Variants in METTL15 observed in about 807,000 individuals in gnomAD.
The protein encoded by METTL15 is methyltransferase 15, mitochondrial 12S rRNA N4-cytidine.
Under a neutral mutation model 38.3 loss-of-function variants are expected in METTL15, and 34 were observed. That is an observed-to-expected ratio of 0.89 (90% CI 0.68 to 1.18). METTL15 has a LOEUF of 1.18. Among genes scored for constraint, METTL15 ranks in the 50% most tolerant of loss-of-function variants. The pLI, the probability that METTL15 is intolerant of heterozygous loss-of-function variation, is 0.00. For missense variants in METTL15, 438 were observed against 498.4 expected (o/e 0.88, Z 1.15); for synonymous variants, 162 against 170.9 (o/e 0.95, Z 0.41).
intron 3 of METTL15, among the ~76,000 whole-genome samples, chr11:28,198,027 T>C (rs2133814964): frequency 6.6e-6 from 1 of 152,246 alleles, no homozygotes; most frequent in East Asian, 1.9e-4. Flanking sequence ...ACAGTCTATA[T>C]ATTTAGTAAT....
Position 28,243,881 on chromosome 11 carries a change from G to T in METTL15, c.407+32683G>T, listed in dbSNP as rs528130862. On this transcript the variant is annotated intron_variant, in intron 4 of 6. Coordinates refer to ENST00000407364, the MANE Select transcript of METTL15 (RefSeq NM_001113528.2). ...GCCACATAACTACTACAAAACACTGGCATAAAACAACCATTTTGTTATATT... is the reference window on the plus strand; with the variant it reads ...GCCACATAACTACTACAAAACACTGTCATAAAACAACCATTTTGTTATATT... 1.1e-4 allele frequency among the ~76,000 whole-genome samples: 17 copies of T among 152,166 alleles called. No individual in the cohort carries two copies. The East Asian group carries it at 2.3e-3, about 21-fold the overall frequency.
chr11:28,410,947 A>T (rs927959758), intron 5 of METTL15: 19 of 152,094 alleles, frequency 1.2e-4, no homozygotes, highest in African/African-American at 3.6e-4. Flanking sequence ...TCAACATACA[A>T]ATAGCATTTC....
chr11:28,264,521 A>G (rs745455454), intron 4 of METTL15, among the ~76,000 whole-genome samples: 8 of 152,104 alleles, frequency 5.3e-5, no homozygotes, highest in Non-Finnish European at 1.2e-4. Flanking sequence ...CTATAGTTAC[A>G]TGTCACCTGA....
chr11:28,482,724 G>A (rs951893716), intron 6 of METTL15, among the ~76,000 whole-genome samples: 5 of 152,150 alleles, frequency 3.3e-5, no homozygotes, highest in Non-Finnish European at 7.4e-5. Context: ...GCATCACCTG[G>A]GAGCTTGCTA....
At position 28,436,558 on chromosome 11, in the gene METTL15, T is replaced by C. The variant is rs532184838; in HGVS notation, c.*424+12194T>C. Among the ~76,000 whole-genome samples, 32 of 152,038 alleles carry C rather than the reference T, an allele frequency of 2.1e-4. No homozygotes were observed. In the South Asian group the frequency reaches 5.8e-3, roughly 28 times the overall value. ...GCCCTCCTCCATATATCTCTGACAT[T>C]GAGTGTTTTTTTTTTTTGGAAATGC... On this transcript the variant is annotated intron_variant and NMD_transcript_variant, in intron 6 of 7. Transcript: ENST00000532947.
chr11:28,287,346 A>G, intron 4 of METTL15: 1 of 276,144 alleles, frequency 3.6e-6, no homozygotes, highest in Non-Finnish European at 7.3e-6. Context: ...GCAGGATGGA[A>G]ACAGATTATT....
intron 5 of METTL15, among the ~76,000 whole-genome samples, chr11:28,363,568 C>G (rs7126520): frequency 2.0e-5 from 3 of 152,244 alleles, no homozygotes; most frequent in African/African-American, 7.2e-5. Flanking sequence ...TTAAGTACTT[C>G]GTAGATTGTG....
At chr11:28,221,566 A>T (rs967416527) in intron 4 of METTL15, among the ~76,000 whole-genome samples, 3 of 152,026 alleles carry the variant, frequency 2.0e-5, no homozygotes, top group Non-Finnish European at 4.4e-5. Context: ...CAACTTGTCA[A>T]AGTCATTCTC....
chr11:28,218,132 T>C lies in METTL15; in HGVS notation c.407+6934T>C, dbSNP rs527584555. Reference sequence around the variant, plus strand: ...AGCTTGATGGGGATGGCATTGAATCTATAAATTACCTTGGATAGTGTGGCC... The same window carrying C: ...AGCTTGATGGGGATGGCATTGAATCCATAAATTACCTTGGATAGTGTGGCC... On this transcript the variant is annotated intron_variant, in intron 4 of 6. Transcript: ENST00000407364. 7.2e-5 allele frequency among the ~76,000 whole-genome samples: 11 copies of C among 152,328 alleles called. 1 individual carries two copies. In the South Asian group the frequency reaches 2.3e-3, roughly 32 times the overall value.
chr11:28,259,237 G>A (rs760244386), intron 4 of METTL15, among the ~76,000 whole-genome samples: 3 of 151,986 alleles, frequency 2.0e-5, no homozygotes, highest in Admixed American at 6.6e-5. Context: ...CTATGGCTAC[G>A]CTGGTTTCCA....
At chr11:28,525,691 G>C (rs1236807976) in intron 6 of METTL15, among the ~76,000 whole-genome samples, 1 of 152,262 alleles carries the variant, frequency 6.6e-6, no homozygotes, top group East Asian at 1.9e-4. Flanking sequence ...TAGACATAAA[G>C]ATTCTCCAAG....
chr11:28,113,711 T>G, intron 3 of METTL15, 107 bp downstream of exon 3: 1 of 1,211,450 alleles, frequency 8.3e-7, no homozygotes. Flanking sequence ...AGTATACAGA[T>G]GAATCCCAAC....
At chr11:28,187,225 C>G (rs1288100509) in intron 3 of METTL15, among the ~76,000 whole-genome samples, 2 of 151,224 alleles carry the variant, frequency 1.3e-5, no homozygotes, top group African/African-American at 2.4e-5. Context: ...TGATAATTAT[C>G]CCAGTGCTAT....
At chr11:28,372,464 T>A (rs1850254699) in intron 5 of METTL15, among the ~76,000 whole-genome samples, 1 of 149,136 alleles carries the variant, frequency 6.7e-6, no homozygotes, top group Non-Finnish European at 1.5e-5. Flanking sequence ...TTTTTTTTTT[T>A]TTTTCTCCAT....
chr11:28,505,596 T>C (rs1424953801), intron 6 of METTL15, among the ~76,000 whole-genome samples: 2 of 152,230 alleles, frequency 1.3e-5, no homozygotes, highest in African/African-American at 4.8e-5. Context: ...TGCCTTTTGG[T>C]AATTGTTTGT....
chr11:28,262,442 A>G (rs990487762), intron 4 of METTL15, among the ~76,000 whole-genome samples: 1 of 151,614 alleles, frequency 6.6e-6, no homozygotes, highest in Non-Finnish European at 1.5e-5. Flanking sequence ...TTTCATAGTC[A>G]TAGTTACTAC....
chr11:28,221,206 T>A (rs544433221), intron 4 of METTL15, among the ~76,000 whole-genome samples: 93 of 152,262 alleles, frequency 6.1e-4, no homozygotes, highest in African/African-American at 2.1e-3. Context: ...ACCAATCAGA[T>A]GTAGATTTGG....
intron 5 of METTL15, among the ~76,000 whole-genome samples, chr11:28,372,688 A>G (rs1285048686): frequency 4.6e-5 from 7 of 151,010 alleles, no homozygotes; most frequent in Non-Finnish European, 8.8e-5. Flanking sequence ...TTACATATGT[A>G]TACATGTGCC....
chr11:28,455,666 G>A (rs1381706548), intron 6 of METTL15, among the ~76,000 whole-genome samples: 1 of 152,114 alleles, frequency 6.6e-6, no homozygotes, highest in Non-Finnish European at 1.5e-5. Flanking sequence ...CTGTGAAACT[G>A]TACTAGTCAT....
Sources: allele counts gnomAD v4.1 joint callset (sites outside exome capture counted in the v4.1 genomes callset), GRCh38; gene constraint gnomAD v4.1.1; transcripts MANE v1.5; gene names NCBI Gene and HGNC (gene_info 2026-07-23, HGNC 2026-07-21).